Variants in ROBO2 observed in about 807,000 individuals in gnomAD.
The protein encoded by ROBO2 is roundabout guidance receptor 2.
A neutral mutation model predicts 160.8 loss-of-function variants in ROBO2; 53 were observed. The observed-to-expected ratio is 0.33, with a 90% CI of 0.26 to 0.41. The LOEUF (loss-of-function observed/expected upper bound fraction) is 0.41, where lower values mean the gene tolerates loss of function less well. Among genes scored for constraint, ROBO2 ranks in the 10% least tolerant of loss-of-function variants. The pLI, the probability that ROBO2 is intolerant of heterozygous loss-of-function variation, is 1.00. For synonymous variants in ROBO2, 664 were observed against 611.7 expected (o/e 1.09, Z -1.26); for missense variants, 1,577 against 1,722.4 (o/e 0.92, Z 1.49).
intron 2 of ROBO2, among the ~76,000 whole-genome samples, chr3:76,282,773 G>A (rs1222997782): frequency 6.6e-6 from 1 of 151,834 alleles, no homozygotes; most frequent in Non-Finnish European, 1.5e-5. Flanking sequence ...ACAGCACTGA[G>A]CAATCACACT....
intron 2 of ROBO2, among the ~76,000 whole-genome samples, chr3:76,391,113 T>C (rs1275161156): frequency 6.6e-6 from 1 of 151,964 alleles, no homozygotes; most frequent in African/African-American, 2.4e-5. Context: ...AAATATTAGA[T>C]ATTATTATCA....
intron 23 of ROBO2, chr3:77,632,807 C>T: frequency 1.8e-6 from 1 of 568,950 alleles, no homozygotes; most frequent in Non-Finnish European, 2.8e-6. Flanking sequence ...ATTACCCAAA[C>T]TCTCTTCTGA....
chr3:76,251,880 G>A (rs1313917620), intron 2 of ROBO2, among the ~76,000 whole-genome samples: 3 of 151,994 alleles, frequency 2.0e-5, no homozygotes, highest in African/African-American at 7.2e-5. Flanking sequence ...CAATATAGCA[G>A]GCACCATTAT....
chr3:76,141,779 A>T (rs575369334), intron 2 of ROBO2, among the ~76,000 whole-genome samples: 6 of 152,094 alleles, frequency 3.9e-5, no homozygotes, highest in African/African-American at 1.4e-4. Context: ...TTTTTCCTCA[A>T]ATATGTTAGA....
chr3:76,022,122 A>T (rs2066591818), intron 2 of ROBO2, among the ~76,000 whole-genome samples: 1 of 151,818 alleles, frequency 6.6e-6, no homozygotes, highest in Non-Finnish European at 1.5e-5. Flanking sequence ...CATCTGTAAG[A>T]AACAACTCCT....
chr3:77,571,492 T>C lies in ROBO2; in HGVS notation c.1972-3007T>C, dbSNP rs575238199. 5.3e-5 allele frequency among the ~76,000 whole-genome samples: 8 copies of C among 152,238 alleles called. No homozygotes were observed. In the East Asian group the frequency reaches 1.5e-3, roughly 29 times the overall value. Reference sequence around the variant, plus strand: ...CTGTGCCCTTGAGATATGGGTATTATGTGAGCAAATTAAGTAAACTGAGGT... The same window carrying C: ...CTGTGCCCTTGAGATATGGGTATTACGTGAGCAAATTAAGTAAACTGAGGT... On this transcript the variant is annotated intron_variant, in intron 13 of 25. Transcript: ENST00000461745.
At chr3:76,479,863 A>C (rs1224461795) in intron 2 of ROBO2, among the ~76,000 whole-genome samples, 2 of 152,140 alleles carry the variant, frequency 1.3e-5, no homozygotes, top group Non-Finnish European at 2.9e-5. Flanking sequence ...GTTTTAGAAG[A>C]GTTTGCATTA....
intron 2 of ROBO2, among the ~76,000 whole-genome samples, chr3:77,010,042 A>T (rs2061788357): frequency 6.6e-6 from 1 of 152,108 alleles, no homozygotes; most frequent in Non-Finnish European, 1.5e-5. Flanking sequence ...ATAATTTCAG[A>T]ATTCCATTAA....
chr3:76,845,063 G>A (rs566691531), intron 2 of ROBO2, among the ~76,000 whole-genome samples: 1 of 151,936 alleles, frequency 6.6e-6, no homozygotes, highest in Non-Finnish European at 1.5e-5. Flanking sequence ...ATTTTGAAAC[G>A]TAAAAGAATC....
chr3:76,739,900 A>G (rs2093774801), intron 2 of ROBO2, among the ~76,000 whole-genome samples: 1 of 152,360 alleles, frequency 6.6e-6, no homozygotes, highest in Admixed American at 6.5e-5. Context: ...GTAGAACTAA[A>G]TAAAATTCCA....
chr3:77,428,227 G>A (rs1361922439), intron 2 of ROBO2, among the ~76,000 whole-genome samples: 1 of 150,920 alleles, frequency 6.6e-6, no homozygotes, highest in Admixed American at 6.6e-5. Context: ...GGAATTATGT[G>A]ATTTTATTCG....
chr3:76,898,678 C>T (rs1338931051), intron 2 of ROBO2, among the ~76,000 whole-genome samples: 1 of 152,012 alleles, frequency 6.6e-6, no homozygotes, highest in East Asian at 1.9e-4. Context: ...AGGAATTTTA[C>T]TTAGTCTTCA....
intron 20 of ROBO2, chr3:77,602,801 G>A (rs886721735): frequency 2.1e-6 from 1 of 481,706 alleles, no homozygotes; most frequent in Non-Finnish European, 4.0e-6. Flanking sequence ...ACTTCCATTA[G>A]GGCAGGGTAG....
intron 2 of ROBO2, among the ~76,000 whole-genome samples, chr3:76,725,920 TTAAC>T (rs1254085800): frequency 8.5e-5 from 13 of 152,206 alleles, no homozygotes; most frequent in African/African-American, 2.9e-4. Flanking sequence ...CTAACATCCT[TTAAC>T]TAAGCTAATT....
At chr3:76,079,771 T>C (rs1165421856) in intron 2 of ROBO2, among the ~76,000 whole-genome samples, 1 of 151,954 alleles carries the variant, frequency 6.6e-6, no homozygotes, top group Non-Finnish European at 1.5e-5. Flanking sequence ...ATTTAGGTTT[T>C]TGAATGAAGT....
At chr3:77,212,887 G>T (rs1261271087) in intron 2 of ROBO2, among the ~76,000 whole-genome samples, 1 of 152,128 alleles carries the variant, frequency 6.6e-6, no homozygotes, top group Non-Finnish European at 1.5e-5. Context: ...TTATTGATTT[G>T]CATATGTTGA....
chr3:77,200,309 ATATATATATATATT>A (rs1169409036), intron 2 of ROBO2, among the ~76,000 whole-genome samples: 896 of 81,774 alleles, frequency 0.011, 32 homozygotes, highest in East Asian at 0.019. Flanking sequence ...ATATATATAT[ATATATATATATATT>A]TTAGTTTCTA....
Position 77,209,142 on chromosome 3 carries a change from A to G in ROBO2, c.388+110802A>G, listed in dbSNP as rs550793376. On this transcript the variant is annotated intron_variant, in intron 2 of 25. Coordinates refer to ENST00000461745, the Ensembl canonical transcript of ROBO2. ...TTATCTATTAAAAACTTTATTCCAG[A>G]ATTATCTGGTAATGTTAATTTCACA... is the stretch of plus-strand genomic sequence containing the variant. 5.3e-5 allele frequency among the ~76,000 whole-genome samples: 8 copies of G among 152,296 alleles called. No individual in the cohort carries two copies. The South Asian group carries it at 1.7e-3, about 32-fold the overall frequency.
intron 2 of ROBO2, among the ~76,000 whole-genome samples, chr3:76,416,271 T>G (rs2075753684): frequency 6.6e-6 from 1 of 152,204 alleles, no homozygotes; most frequent in Non-Finnish European, 1.5e-5. Context: ...AACAAATTCC[T>G]TTGGCATGTT....
Sources: allele counts gnomAD v4.1 joint callset (sites outside exome capture counted in the v4.1 genomes callset), GRCh38; gene constraint gnomAD v4.1.1; transcripts MANE v1.5; gene names NCBI Gene and HGNC (gene_info 2026-07-23, HGNC 2026-07-21).